PPIP5K2: variants seen among roughly 807,000 people sequenced by gnomAD.
PPIP5K2 encodes the protein inositol hexakisphosphate and diphosphoinositol-pentakisphosphate kinase 2.
In PPIP5K2, 105 loss-of-function variants were observed where a neutral mutation model predicts 154.6. The ratio of observed to expected loss-of-function variants is 0.68; its 90% CI spans 0.58 to 0.80. The LOEUF is 0.80. Ranked by LOEUF, PPIP5K2 falls within the 30% of genes least tolerant of loss-of-function variation. The pLI is 0.00. For missense variants in PPIP5K2, 992 were observed against 1,504.6 expected (o/e 0.66, Z 5.64); for synonymous variants, 480 against 490.3 (o/e 0.98, Z 0.28).
rs1463175312 is a variant in PPIP5K2, at chr5:103,187,427, T to A, written c.3352+51T>A. On this transcript the variant is annotated intron_variant, in intron 28 of 30. Coordinates refer to ENST00000358359, the MANE Select transcript of PPIP5K2 (RefSeq NM_001276277.3). ...ATACTCCCCTGCTTCATCCCTTTTT[T>A]ATTTTTATTTTATTTCAAAATGTGG... The A allele has an allele frequency of 3.7e-6, 5 of 1,344,222 alleles. No homozygotes were observed. The African/African-American group carries it at 5.9e-5, about 16-fold the overall frequency. The allele number at this position is 1,344,222 out of a possible 1,614,324, so 83.3% of individuals were successfully genotyped here.
Position 103,207,039 on chromosome 5 carries a change from T to TGG in PPIP5K2, c.*5406_*5407dup, listed in dbSNP as rs1803553340. 6.6e-6 allele frequency: 1 copy of TGG among 152,268 alleles called. No individual in the cohort carries two copies. Among genetic ancestry groups the TGG allele is most frequent in the Admixed American group, 6.5e-5 (1 of 15,268 alleles). The allele number at this position is 152,268 out of a possible 1,614,324, so 9.4% of individuals were successfully genotyped here. On this transcript the variant is annotated 3_prime_UTR_variant, in exon 31 of 31. Coordinates refer to ENST00000358359, the MANE Select transcript of PPIP5K2 (RefSeq NM_001276277.3). ...GCCCCCTGATAAGGAAGACTCAGCA[T>TGG]GGAGGTACCTGGTCTAGGAATGCAG... is the stretch of plus-strand genomic sequence containing the variant.
At chr5:103,186,572 A>G (rs1580421914) in intron 27 of PPIP5K2, 133 bp downstream of exon 27, 1 of 1,242,202 alleles carries the variant, frequency 8.1e-7, no homozygotes, top group Non-Finnish European at 1.1e-6. Context: ...CTAAATGACT[A>G]TCAGTGCTCT....
intron 28 of PPIP5K2, among the ~76,000 whole-genome samples, chr5:103,190,514 C>A (rs1329640883): frequency 6.6e-6 from 1 of 151,548 alleles, no homozygotes. Flanking sequence ...GACCTGACTT[C>A]AAAAAATAAA....
chr5:103,147,957 T>C lies in PPIP5K2; in HGVS notation c.669T>C (p.Ser223=). ...RKIGSRSSVY[S]PESNVRKTGS... is the part of the protein sequence containing the mutation. Reference sequence around the variant, plus strand: ...TTGGCAGTAGAAGTAGTGTTTATTCTCCAGAAAGCAATGTACGAAAAACAG... The same window carrying C: ...TTGGCAGTAGAAGTAGTGTTTATTCCCCAGAAAGCAATGTACGAAAAACAG... Residue 223 remains serine, a synonymous_variant, in exon 7 of 31, where the codon TCT becomes TCC. Transcript: ENST00000358359. 6.3e-7 allele frequency: 1 copy of C among 1,598,824 alleles called. No homozygotes were observed. The highest frequency in any genetic ancestry group is 1.1e-5 in the South Asian group (1 of 87,578).
At chr5:103,199,877 T>G (rs1335807175) in intron 30 of PPIP5K2, among the ~76,000 whole-genome samples, 2 of 152,214 alleles carry the variant, frequency 1.3e-5, no homozygotes, top group African/African-American at 2.4e-5. Flanking sequence ...AGAGCATAGT[T>G]AGAATTGCTG....
intron 5 of PPIP5K2, among the ~76,000 whole-genome samples, 198 bp from the exon 6 acceptor site, chr5:103,146,329 C>CT (rs1793752768): frequency 6.6e-6 from 1 of 151,946 alleles, no homozygotes; most frequent in Non-Finnish European, 1.5e-5. Context: ...TTTTGAAGAA[C>CT]TATAGCTTTT....
At position 103,203,866 on chromosome 5, in the gene PPIP5K2, G is replaced by C. The variant is rs1554231483; in HGVS notation, c.*2232G>C. On this transcript the variant is annotated 3_prime_UTR_variant, in exon 31 of 31. Coordinates refer to ENST00000358359, the MANE Select transcript of PPIP5K2 (RefSeq NM_001276277.3). ...TCCATTCTCAAATACTAGCAAATTT[G>C]GGGGGCGTGGTACAGCAATTTTGGG... is the stretch of plus-strand genomic sequence containing the variant. The C allele has an allele frequency of 6.6e-6, 1 of 152,174 alleles. No individual in the cohort carries two copies. Among genetic ancestry groups the C allele is most frequent in the African/African-American group, 2.4e-5 (1 of 41,444 alleles). The allele number at this position is 152,174 out of a possible 1,614,324, so 9.4% of individuals were successfully genotyped here.
At chr5:103,180,648 G>A (rs532506870) in intron 24 of PPIP5K2, among the ~76,000 whole-genome samples, 6 of 151,958 alleles carry the variant, frequency 3.9e-5, no homozygotes, top group African/African-American at 1.4e-4. Flanking sequence ...AGGAGATCGA[G>A]ACCATCCTGG....
chr5:103,188,934 C>A (rs2149791530), intron 28 of PPIP5K2: 1 of 380,892 alleles, frequency 2.6e-6, no homozygotes, highest in Non-Finnish European at 4.6e-6. Flanking sequence ...ACAAATATTT[C>A]TTTTGAGTTT....
In PPIP5K2 at chr5:103,206,019, C is replaced by G. The variant is rs1554232184; in HGVS notation, c.*4385C>G. 1.3e-5 allele frequency: 2 copies of G among 152,070 alleles called. No homozygotes were observed. The highest frequency in any genetic ancestry group is 2.9e-5 in the Non-Finnish European group (2 of 68,012). 9.4% of individuals were successfully genotyped at this position (152,070 alleles called of 1,614,324 possible). ...GTGTAGTCTGTTTTATGTAATGTAT[C>G]TTTGCTTTTAGATTGTGCTTGCTTT... is the stretch of plus-strand genomic sequence containing the variant. On this transcript the variant is annotated 3_prime_UTR_variant, in exon 31 of 31. Transcript: ENST00000358359.
At chr5:103,139,303 T>C (rs1335216196) in intron 5 of PPIP5K2, among the ~76,000 whole-genome samples, 1 of 152,166 alleles carries the variant, frequency 6.6e-6, no homozygotes, top group African/African-American at 2.4e-5. Context: ...CAGAACAAGA[T>C]GGCCAAATAT....
chr5:103,178,841 TG>T (rs1554221781), intron 23 of PPIP5K2, among the ~76,000 whole-genome samples: 2 of 151,818 alleles, frequency 1.3e-5, no homozygotes, highest in African/African-American at 4.8e-5. Flanking sequence ...ACACCATCTT[TG>T]TCATATTAAT....
intron 4 of PPIP5K2, among the ~76,000 whole-genome samples, chr5:103,137,183 G>A (rs1427860298): frequency 7.6e-6 from 1 of 132,114 alleles, no homozygotes; most frequent in African/African-American, 3.0e-5. Context: ...TTTTTTTTGA[G>A]ATGGAGTCTG....
rs781938085 is a variant in PPIP5K2, at chr5:103,120,346, A to G, written c.-427A>G. ...TATGTGGCCCTATAGCTGTTACTGA[A>G]GGAAGTAGCCTACGTCCACGCCTAC... On this transcript the variant is annotated 5_prime_UTR_variant, in exon 1 of 31. Coordinates refer to ENST00000358359, the MANE Select transcript of PPIP5K2 (RefSeq NM_001276277.3). The G allele has an allele frequency of 2.7e-5, 12 of 452,170 alleles. No individual in the cohort carries two copies. The highest frequency in any genetic ancestry group is 5.4e-5 in the Non-Finnish European group (12 of 223,874). The allele number at this position is 452,170 out of a possible 1,614,324, so 28.0% of individuals were successfully genotyped here. A position where few individuals can be genotyped will look rare whatever the true frequency, so the allele number is the denominator to read the frequency against.
At position 103,120,442 on chromosome 5, in the gene PPIP5K2, G is replaced by C. The variant is rs1376904656; in HGVS notation, c.-331G>C. On this transcript the variant is annotated 5_prime_UTR_variant, in exon 1 of 31. Transcript: ENST00000358359. ...AAGGGGGTAACCTAGACCTGAATGG[G>C]CTTGACCATCTCACAACTGCTCGCG... 6.6e-6 allele frequency: 3 copies of C among 456,720 alleles called. No individual in the cohort carries two copies. In the East Asian group the frequency reaches 2.1e-4, roughly 32 times the overall value. The allele number at this position is 456,720 out of a possible 1,614,324, so 28.3% of individuals were successfully genotyped here. A position where few individuals can be genotyped will look rare whatever the true frequency, so the allele number is the denominator to read the frequency against.
chr5:103,162,906 A>G (rs1796539829), intron 17 of PPIP5K2, among the ~76,000 whole-genome samples: 1 of 152,100 alleles, frequency 6.6e-6, no homozygotes. Flanking sequence ...TTCCCCTGCA[A>G]CTATATATAC....
chr5:103,180,102 A>G lies in PPIP5K2; in HGVS notation c.2836A>G (p.Ile946Val), dbSNP rs113479255. The change falls in exon 24 of 31, where the codon ATA (isoleucine) becomes GTA (valine). Residue 946 changes from isoleucine to valine, a missense_variant. Physicochemically the swap from Ile to Val is conservative, Grantham distance 29. Around this residue, in one of 9 missense-constraint regions of PPIP5K2, gnomAD observed 204 missense variants for 224.0 expected, o/e 0.91. Coordinates refer to ENST00000358359, the MANE Select transcript of PPIP5K2 (RefSeq NM_001276277.3). ...AAGAGATGAAGTTGATCGAGCTGTG[A>G]TATTGTTTAAACCAATGGTATCAGA... ...SKRDEVDRAV[I>V]LFKPMVSEPI... 1.9e-6 allele frequency: 3 copies of G among 1,605,640 alleles called. No homozygotes were observed. The highest frequency in any genetic ancestry group is 2.5e-6 in the Non-Finnish European group (3 of 1,176,794).
chr5:103,201,544 A>C lies in PPIP5K2; in HGVS notation c.3642A>C (p.Ala1214=). The change falls in exon 31 of 31, where the codon GCA becomes GCC. Residue 1214 remains alanine (A), a synonymous_variant. Coordinates refer to ENST00000358359, the MANE Select transcript of PPIP5K2 (RefSeq NM_001276277.3). ...SKPATSGPSS[A]VVPNTSSRKK... ...TAGCTACAAGTGGACCTTCTAGTGC[A>C]GTTGTTCCTAATACCTCATCTCGGA... 6.2e-7 allele frequency: 1 copy of C among 1,605,820 alleles called. No individual in the cohort carries two copies. The highest frequency in any genetic ancestry group is 8.5e-7 in the Non-Finnish European group (1 of 1,176,922).
chr5:103,159,502 C>G (rs888184350), intron 17 of PPIP5K2, among the ~76,000 whole-genome samples, 174 bp downstream of exon 17: 2 of 152,146 alleles, frequency 1.3e-5, no homozygotes, highest in Non-Finnish European at 2.9e-5. Context: ...TGCCCCTTTT[C>G]AATCGCAACC....
Sources: gnomAD v4.1 joint callset for allele counts (sites outside exome capture counted in the v4.1 genomes callset) on GRCh38, gnomAD v4.1.1 for gene constraint, gnomAD v4.1.1 regional missense constraint, MANE v1.5 for transcripts, NCBI Gene and HGNC (gene_info 2026-07-23, HGNC 2026-07-21) for gene names.